Variants in HDAC8 observed in about 807,000 individuals in gnomAD.
HDAC8 encodes histone deacetylase 8, also known as histone deacetylase-like 1.
In HDAC8, 1 loss-of-function variant was observed where a neutral mutation model predicts 32.2. The ratio of observed to expected loss-of-function variants is 0.03; its 90% CI spans 0.01 to 0.15. HDAC8 has a LOEUF of 0.15. Among genes scored for constraint, HDAC8 ranks in the 10% least tolerant of loss-of-function variants. The pLI is 1.00. For missense variants in HDAC8, 117 were observed against 300.0 expected (o/e 0.39, Z 4.51); for synonymous variants, 108 against 113.9 (o/e 0.95, Z 0.33).
intron 4 of HDAC8, among the ~76,000 whole-genome samples, chrX:72,552,199 C>T (rs1249827146): frequency 5.4e-5 from 6 of 111,831 alleles, no homozygotes; most frequent in South Asian, 3.7e-4. Context: ...CTGTGGCTCA[C>T]GCCTATAATC....
chrX:72,361,222 C>A (rs2044539758), intron 9 of HDAC8, among the ~76,000 whole-genome samples: 1 of 111,822 alleles, frequency 8.9e-6, no homozygotes, highest in African/African-American at 3.3e-5. Context: ...GGCTTATACA[C>A]CAGTGCATGG....
intron 7 of HDAC8, among the ~76,000 whole-genome samples, chrX:72,480,694 A>C (rs2048469201): frequency 8.9e-6 from 1 of 112,478 alleles, no homozygotes; most frequent in South Asian, 3.7e-4. Context: ...AAAATGTGGC[A>C]TATATATACC....
At chrX:72,363,494 A>G (rs1225769490) in intron 9 of HDAC8, among the ~76,000 whole-genome samples, 1 of 110,912 alleles carries the variant, frequency 9.0e-6, no homozygotes, top group Non-Finnish European at 1.9e-5. Flanking sequence ...AACCTCTTAA[A>G]ATTTCTCTTT....
intron 9 of HDAC8, among the ~76,000 whole-genome samples, chrX:72,390,374 A>T (rs1266226658): frequency 8.9e-6 from 1 of 112,654 alleles, no homozygotes; most frequent in East Asian, 2.8e-4. Context: ...CATATCCATC[A>T]TATCAAACAT....
chrX:72,441,225 C>A (rs1555981660), intron 9 of HDAC8, among the ~76,000 whole-genome samples: 1 of 112,912 alleles, frequency 8.9e-6, no homozygotes, highest in Admixed American at 9.3e-5. Context: ...AACAGGCAGA[C>A]TGCCTCCTCA....
intron 4 of HDAC8, among the ~76,000 whole-genome samples, chrX:72,562,165 C>G: frequency 8.9e-6 from 1 of 112,063 alleles, no homozygotes; most frequent in Admixed American, 9.4e-5. Flanking sequence ...TTTGATTTAG[C>G]AATCCCACTA....
chrX:72,489,128 G>T, intron 6 of HDAC8, 87 bp from the exon 7 acceptor site: 2 of 615,276 alleles, frequency 3.3e-6, no homozygotes, highest in Non-Finnish European at 5.1e-6. Flanking sequence ...GAAATTTCTA[G>T]GGAAAGAAAT....
intron 9 of HDAC8, among the ~76,000 whole-genome samples, chrX:72,395,511 C>T (rs1336910749): frequency 1.8e-5 from 2 of 112,500 alleles, no homozygotes; most frequent in African/African-American, 6.5e-5. Flanking sequence ...GGACAAAGCT[C>T]ATTTTGCATA....
chrX:72,332,794 G>A (rs1380156409), intron 10 of HDAC8, among the ~76,000 whole-genome samples: 1 of 110,640 alleles, frequency 9.0e-6, no homozygotes, highest in African/African-American at 3.3e-5. Flanking sequence ...TGGGATTACA[G>A]GCATGTGCCA....
At chrX:72,568,607 T>C (rs1556141180) in intron 3 of HDAC8, 147 bp downstream of exon 3, 1 of 651,771 alleles carries the variant, frequency 1.5e-6, no homozygotes, top group Non-Finnish European at 2.3e-6. Flanking sequence ...ATGGTTTGCT[T>C]GTTTAGTGAG....
intron 9 of HDAC8, among the ~76,000 whole-genome samples, chrX:72,418,110 G>C (rs1555972413): frequency 9.0e-6 from 1 of 111,414 alleles, no homozygotes; most frequent in Non-Finnish European, 1.9e-5. Context: ...AAAAATCCTA[G>C]AAGAGAACCT....
intron 9 of HDAC8, among the ~76,000 whole-genome samples, chrX:72,446,861 A>C (rs2047419695): frequency 8.9e-6 from 1 of 112,035 alleles, no homozygotes; most frequent in Non-Finnish European, 1.9e-5. Flanking sequence ...AAATTCCTGG[A>C]CACATACACC....
intron 9 of HDAC8, among the ~76,000 whole-genome samples, chrX:72,413,902 C>T (rs957374781): frequency 3.6e-5 from 4 of 111,964 alleles, no homozygotes; most frequent in Non-Finnish European, 5.6e-5. Flanking sequence ...TGGACTAATA[C>T]GATATTGCTT....
Position 72,423,216 on chromosome X carries a change from T to C in HDAC8, c.1005+38788A>G, listed in dbSNP as rs908569897. On this transcript the variant is annotated intron_variant, in intron 9 of 10. Coordinates refer to ENST00000373573, the MANE Select transcript of HDAC8 (RefSeq NM_018486.3). ...CACCTTTAGATCTGACACTGAACTT[T>C]TATTTAATTTGAATTTTGTTCCAAG... Among the ~76,000 whole-genome samples, 9 of 111,850 alleles carry C rather than the reference T, an allele frequency of 8.0e-5. No homozygotes were observed. In the South Asian group the frequency reaches 2.2e-3, roughly 28 times the overall value.
chrX:72,490,949 A>T lies in HDAC8; in HGVS notation c.608T>A (p.Phe203Tyr). ...CTTGCCTGGGAAAAATCCTGGGGAG[A>T]ATTTGTGCAGGGACACGGTCATGAC... ...SKVMTVSLHK[F>Y]SPGFFPGTGD... is the part of the protein sequence containing the mutation. The change falls in exon 6 of 11, where the codon TTC becomes TAC. Residue 203 changes from phenylalanine (F) to tyrosine (Y), a missense_variant. By Grantham distance (22) the Phe-to-Tyr change is conservative (BLOSUM62 3). This residue lies in a region of HDAC8 where 57 missense variants were observed against 182.0 expected (regional missense o/e 0.31). Coordinates refer to ENST00000373573, the MANE Select transcript of HDAC8 (RefSeq NM_018486.3). 2.5e-6 allele frequency: 3 copies of T among 1,206,522 alleles called. No individual in the cohort carries two copies. Among genetic ancestry groups the T allele is most frequent in the Non-Finnish European group, 3.4e-6 (3 of 891,152 alleles).
chrX:72,480,123 G>C (rs916888317), intron 7 of HDAC8, among the ~76,000 whole-genome samples: 1 of 111,758 alleles, frequency 8.9e-6, no homozygotes, highest in Non-Finnish European at 1.9e-5. Context: ...GCCATACCCC[G>C]GAGAGGCAGG....
intron 4 of HDAC8, among the ~76,000 whole-genome samples, chrX:72,548,583 G>C (rs1265786994): frequency 9.0e-6 from 1 of 111,311 alleles, no homozygotes; most frequent in African/African-American, 3.3e-5. Flanking sequence ...TGTCTCACTG[G>C]CACATCCCTT....
chrX:72,501,356 C>T (rs1270136965), intron 4 of HDAC8, among the ~76,000 whole-genome samples: 1 of 111,853 alleles, frequency 8.9e-6, no homozygotes, highest in Non-Finnish European at 1.9e-5. Flanking sequence ...CATCATGTTA[C>T]CCAACTTTGA....
chrX:72,356,234 C>G (rs2044354677), intron 9 of HDAC8, among the ~76,000 whole-genome samples: 1 of 111,356 alleles, frequency 9.0e-6, no homozygotes, highest in Admixed American at 9.5e-5. Context: ...TATACACTAC[C>G]CAGAAAAAGT....
Sources: gnomAD v4.1 joint callset for allele counts (sites outside exome capture counted in the v4.1 genomes callset) on GRCh38, gnomAD v4.1.1 for gene constraint, gnomAD v4.1.1 regional missense constraint, MANE v1.5 for transcripts, NCBI Gene and HGNC (gene_info 2026-07-23, HGNC 2026-07-21) for gene names.